The following STPG4 variants were observed in gnomAD, a reference collection of about 807,000 sequenced individuals.
STPG4 encodes the protein sperm-tail PG-rich repeat containing 4, also known as protein STPG4.
Under a neutral mutation model 31.5 loss-of-function variants are expected in STPG4, and 41 were observed. The ratio of observed to expected loss-of-function variants is 1.30; its 90% CI spans 1.01 to 1.69. The LOEUF is 1.69. Ranked by LOEUF, STPG4 falls within the 40% of genes most tolerant of loss-of-function variation. The probability of loss-of-function intolerance (pLI) is 0.00; values close to 1 mark genes in which losing one functional copy is unlikely to be tolerated. For missense variants in STPG4, 375 were observed against 293.4 expected (o/e 1.28, Z -2.03); for synonymous variants, 141 against 103.0 (o/e 1.37, Z -2.24).
chr2:47,094,073 T>C (rs35984638), intron 5 of STPG4, among the ~76,000 whole-genome samples: 62,157 of 152,112 alleles, frequency 0.41, 13,523 homozygotes, highest in Middle Eastern at 0.55. Flanking sequence ...CTGAGCACTC[T>C]GCTCTCTCCT....
At chr2:47,107,663 G>A (rs1003532457) in intron 5 of STPG4, among the ~76,000 whole-genome samples, 31 of 152,138 alleles carry the variant, frequency 2.0e-4, no homozygotes, top group African/African-American at 3.1e-4. Context: ...TGAGGAGTGC[G>A]GGCACATGGT....
chr2:47,153,811 G>T (rs775899130), intron 1 of STPG4, among the ~76,000 whole-genome samples: 6 of 152,122 alleles, frequency 3.9e-5, no homozygotes, highest in African/African-American at 1.4e-4. Context: ...TACTTATAAA[G>T]ACTTGCATAT....
chr2:47,124,603 C>A (rs939917143), intron 5 of STPG4, among the ~76,000 whole-genome samples: 4 of 152,118 alleles, frequency 2.6e-5, no homozygotes, highest in African/African-American at 9.7e-5. Context: ...AATAGGAGGA[C>A]CTCATTATTT....
intron 5 of STPG4, among the ~76,000 whole-genome samples, chr2:47,128,021 C>A (rs538188589): frequency 6.6e-6 from 1 of 152,168 alleles, no homozygotes; most frequent in African/African-American, 2.4e-5. Context: ...GTGCTGTAAT[C>A]TGTCTTTGGT....
At chr2:47,128,627 G>C (rs573613559) in intron 5 of STPG4, among the ~76,000 whole-genome samples, 1 of 152,032 alleles carries the variant, frequency 6.6e-6, no homozygotes, top group African/African-American at 2.4e-5. Flanking sequence ...TTCACTCAAG[G>C]CTCTTCAGTC....
At position 47,151,472 on chromosome 2, in the gene STPG4, T is replaced by C. The variant is rs71423949; in HGVS notation, c.185A>G (p.Glu62Gly). 32,083 of 1,613,906 alleles carry C rather than the reference T, an allele frequency of 0.02. 409 individuals are homozygous for C. The highest frequency in any genetic ancestry group is 0.022 in the Non-Finnish European group (26,437 of 1,179,762). ...PGTYHLKTFI[E>G]ESLLNPVIAT... Reference sequence around the variant, plus strand: ...TATCACTGGATTTAATAGGGATTCTTCAATAAAAGTTTTCAAGTGGTAAGT... The same window carrying C: ...TATCACTGGATTTAATAGGGATTCTCCAATAAAAGTTTTCAAGTGGTAAGT... The change falls in exon 3 of 7, where the codon GAA (glutamate) becomes GGA (glycine). Residue 62 changes from glutamate (E) to glycine (G), a missense_variant. Glu to Gly is a moderately conservative substitution (Grantham distance 98). Coordinates refer to ENST00000445927, the MANE Select transcript of STPG4 (RefSeq NM_001163561.2).
intron 1 of STPG4, among the ~76,000 whole-genome samples, chr2:47,153,251 C>T (rs1221821553): frequency 6.6e-6 from 1 of 152,116 alleles, no homozygotes. Flanking sequence ...GTAATAAACA[C>T]CCCCATCTCA....
At chr2:47,127,186 T>C (rs980542867) in intron 5 of STPG4, among the ~76,000 whole-genome samples, 1 of 151,672 alleles carries the variant, frequency 6.6e-6, no homozygotes, top group Non-Finnish European at 1.5e-5. Flanking sequence ...TTTGTAAGCA[T>C]GCTTCATTCT....
intron 5 of STPG4, among the ~76,000 whole-genome samples, chr2:47,127,165 A>G (rs1686381393): frequency 7.3e-6 from 1 of 137,654 alleles, no homozygotes; most frequent in Non-Finnish European, 1.6e-5. Context: ...TTTTGAGGCT[A>G]TTTTATAGAT....
chr2:47,120,354 A>G (rs575394616), intron 5 of STPG4, among the ~76,000 whole-genome samples: 1 of 152,104 alleles, frequency 6.6e-6, no homozygotes, highest in African/African-American at 2.4e-5. Context: ...AAAAACAAAC[A>G]AACTGGGGAC....
At chr2:47,095,677 A>G (rs978659748) in intron 5 of STPG4, among the ~76,000 whole-genome samples, 1 of 152,216 alleles carries the variant, frequency 6.6e-6, no homozygotes, top group Non-Finnish European at 1.5e-5. Flanking sequence ...ATACAGTGAT[A>G]TATGACTGTC....
chr2:47,092,018 G>A lies in STPG4; in HGVS notation c.520-1644C>T, dbSNP rs145241797. ...AAATGTCATTAAGTCAAAAATGCAA[G>A]CTGAACAAATGTGCATTAAAAAAAC... On this transcript the variant is annotated intron_variant, in intron 5 of 6. Transcript: ENST00000445927. 3.0e-3 allele frequency among the ~76,000 whole-genome samples: 444 copies of A among 149,228 alleles called. 1 individual carries two copies. The highest frequency in any genetic ancestry group is 4.7e-3 in the Non-Finnish European group (317 of 67,536).
intron 5 of STPG4, among the ~76,000 whole-genome samples, chr2:47,124,773 T>C (rs1170945569): frequency 1.3e-5 from 2 of 152,226 alleles, no homozygotes; most frequent in African/African-American, 4.8e-5. Flanking sequence ...TCTTTTCTTT[T>C]GGGTATATAC....
At chr2:47,150,540 G>C (rs1686913820) in intron 3 of STPG4, among the ~76,000 whole-genome samples, 1 of 151,400 alleles carries the variant, frequency 6.6e-6, no homozygotes, top group South Asian at 2.1e-4. Flanking sequence ...TTTAGAGACA[G>C]CATGTCACTC....
At chr2:47,140,275 A>T (rs1686676582) in intron 3 of STPG4, among the ~76,000 whole-genome samples, 1 of 152,098 alleles carries the variant, frequency 6.6e-6, no homozygotes, top group African/African-American at 2.4e-5. Context: ...GTTTCTCCTG[A>T]GGGCAGGCCT....
rs539939825 is a variant in STPG4 at position 47,091,786 on chromosome 2, G to A, written c.520-1412C>T. Among the ~76,000 whole-genome samples, 4 of 152,202 alleles carry A rather than the reference G, an allele frequency of 2.6e-5. No homozygotes were observed. The East Asian group carries it at 7.7e-4, about 29-fold the overall frequency. The stretch of plus-strand genomic sequence containing the variant: ...GACATATATTTATTATTTTGACCCA[G>A]CAATTCCAGTTTTAGGCATTCACCC... On this transcript the variant is annotated intron_variant, in intron 5 of 6. Coordinates refer to ENST00000445927, the MANE Select transcript of STPG4 (RefSeq NM_001163561.2).
intron 5 of STPG4, among the ~76,000 whole-genome samples, chr2:47,097,377 T>C (rs1304401230): frequency 6.6e-6 from 1 of 152,152 alleles, no homozygotes; most frequent in African/African-American, 2.4e-5. Flanking sequence ...ATGGTCTGGA[T>C]GCTGATGTCC....
chr2:47,089,303 C>T (rs1030716825), intron 6 of STPG4, among the ~76,000 whole-genome samples: 4 of 152,184 alleles, frequency 2.6e-5, no homozygotes, highest in Non-Finnish European at 5.9e-5. Context: ...CTGGCAGGGC[C>T]TCCCCATTAT....
intron 4 of STPG4, 56 bp downstream of exon 4, chr2:47,130,140 A>T: frequency 6.6e-7 from 1 of 1,525,984 alleles, no homozygotes; most frequent in Admixed American, 1.7e-5. Context: ...AGCCAGGAGT[A>T]TTGGCGTGTA....
Sources: gnomAD v4.1 joint callset for allele counts (sites outside exome capture counted in the v4.1 genomes callset) on GRCh38, gnomAD v4.1.1 for gene constraint, MANE v1.5 for transcripts, NCBI Gene and HGNC (gene_info 2026-07-23, HGNC 2026-07-21) for gene names.